GALNT13: variants seen among roughly 807,000 people sequenced by gnomAD.
GALNT13 encodes the protein UDP-GalNAc:polypeptide N-acetylgalactosaminyltransferase 13.
GALNT13 carries 28 observed loss-of-function variants against 64.2 expected under a neutral mutation model. The ratio of observed to expected loss-of-function variants is 0.44; its 90% confidence interval spans 0.32 to 0.60. The LOEUF (loss-of-function observed/expected upper bound fraction) is 0.60, where lower values mean the gene tolerates loss of function less well. GALNT13 is among the 20% of genes least tolerant of loss of function. The probability of loss-of-function intolerance (pLI) is 0.05; values close to 1 mark genes in which losing one functional copy is unlikely to be tolerated. For missense variants in GALNT13, 577 were observed against 669.8 expected (o/e 0.86, Z 1.53); for synonymous variants, 214 against 224.6 (o/e 0.95, Z 0.42).
At chr2:154,187,770 A>ATT (rs1686338997) in intron 4 of GALNT13, among the ~76,000 whole-genome samples, 1 of 152,160 alleles carries the variant, frequency 6.6e-6, no homozygotes, top group African/African-American at 2.4e-5. Context: ...CTGCATACAT[A>ATT]CAAAATATTA....
intron 8 of GALNT13, among the ~76,000 whole-genome samples, chr2:154,300,205 C>T (rs554313946): frequency 6.9e-6 from 1 of 145,898 alleles, no homozygotes; most frequent in Admixed American, 7.3e-5. Context: ...CGAGTTCAAG[C>T]GATTCTCTTG....
chr2:153,504,212 C>T, the GALNT13 span, among the ~76,000 whole-genome samples: 2 of 152,184 alleles, frequency 1.3e-5, no homozygotes, highest in African/African-American at 4.8e-5. Flanking sequence ...AGCAGAGCTA[C>T]TGATTTCTGT....
chr2:153,730,810 C>T, the GALNT13 span, among the ~76,000 whole-genome samples: 444 of 151,916 alleles, frequency 2.9e-3, 2 homozygotes, highest in African/African-American at 9.5e-3. Context: ...CACTAATCAT[C>T]GAAGAAATGT....
chr2:153,486,704 C>G, the GALNT13 span, among the ~76,000 whole-genome samples: 2 of 151,982 alleles, frequency 1.3e-5, no homozygotes, highest in South Asian at 4.1e-4. Context: ...ACTGAGCATG[C>G]AGTTTTCCGA....
At chr2:153,452,745 T>C in the GALNT13 span, among the ~76,000 whole-genome samples, 9 of 152,148 alleles carry the variant, frequency 5.9e-5, no homozygotes, top group Middle Eastern at 3.4e-3. Flanking sequence ...GCAACCAATA[T>C]TGTTTTTCAT....
At chr2:153,517,245 C>T in the GALNT13 span, among the ~76,000 whole-genome samples, 1 of 152,156 alleles carries the variant, frequency 6.6e-6, no homozygotes, top group East Asian at 1.9e-4. Context: ...ATATGCTTAC[C>T]TCTATGGCTT....
chr2:153,088,276 G>A, the GALNT13 span, among the ~76,000 whole-genome samples: 3 of 151,944 alleles, frequency 2.0e-5, no homozygotes, highest in African/African-American at 7.2e-5. Context: ...ATAGTTTTAG[G>A]GTTCCTTTTG....
the GALNT13 span, among the ~76,000 whole-genome samples, chr2:153,826,412 C>G: frequency 1.3e-5 from 2 of 152,352 alleles, no homozygotes; most frequent in East Asian, 3.9e-4. Context: ...TCTCAACAGT[C>G]TCATTGTGGA....
intron 3 of GALNT13, among the ~76,000 whole-genome samples, chr2:153,974,515 G>C (rs1230289448): frequency 6.6e-6 from 1 of 151,994 alleles, no homozygotes; most frequent in Non-Finnish European, 1.5e-5. Context: ...GTATTGGGAT[G>C]AGTCAATAAA....
At chr2:153,444,151 C>T in the GALNT13 span, among the ~76,000 whole-genome samples, 1 of 152,202 alleles carries the variant, frequency 6.6e-6, no homozygotes, top group East Asian at 1.9e-4. Flanking sequence ...ATCTATCTAC[C>T]TATCTATCAT....
the GALNT13 span, among the ~76,000 whole-genome samples, chr2:153,605,094 C>A: frequency 2.6e-5 from 4 of 152,080 alleles, no homozygotes; most frequent in African/African-American, 9.7e-5. Flanking sequence ...CCCTATCCAA[C>A]CTGGTTGTTT....
the GALNT13 span, among the ~76,000 whole-genome samples, chr2:153,587,125 T>C: frequency 6.6e-6 from 1 of 150,914 alleles, no homozygotes. Context: ...TCCCAGCTAC[T>C]CCGGAGGCCT....
At chr2:153,404,118 G>C in the GALNT13 span, among the ~76,000 whole-genome samples, 26 of 152,284 alleles carry the variant, frequency 1.7e-4, no homozygotes, top group South Asian at 5.4e-3. Flanking sequence ...ATAGTGGCTT[G>C]TATCAGTCCA....
Position 154,450,562 on chromosome 2 carries a change from C to T in GALNT13, c.*11C>T, listed in dbSNP as rs187202660. 13 of 1,580,546 alleles carry T rather than the reference C, an allele frequency of 8.2e-6. No homozygotes were observed. The highest frequency in any genetic ancestry group is 1.4e-5 in the African/African-American group (1 of 73,468). On this transcript the variant is annotated 3_prime_UTR_variant, in exon 13 of 13. Transcript: ENST00000392825. The stretch of plus-strand genomic sequence containing the variant: ...ACCTTGGGCACATGAAGATCATGTC[C>T]TCCAAGCCATGAAAGTGTCTACGCT...
At chr2:153,696,647 C>T in the GALNT13 span, among the ~76,000 whole-genome samples, 1 of 152,104 alleles carries the variant, frequency 6.6e-6, no homozygotes, top group Non-Finnish European at 1.5e-5. Flanking sequence ...ATAAGTTATG[C>T]ATATGTAGTC....
intron 3 of GALNT13, among the ~76,000 whole-genome samples, chr2:154,012,043 A>T (rs1380479547): frequency 1.3e-5 from 2 of 152,010 alleles, no homozygotes; most frequent in Non-Finnish European, 2.9e-5. Flanking sequence ...ATGCCTTTTA[A>T]TTGGGGCATT....
At chr2:154,042,987 A>G (rs187029927) in intron 3 of GALNT13, among the ~76,000 whole-genome samples, 2 of 152,108 alleles carry the variant, frequency 1.3e-5, no homozygotes, top group Non-Finnish European at 2.9e-5. Context: ...AGAATAAGGT[A>G]TTTCCCTAAT....
chr2:153,155,016 T>C, the GALNT13 span, among the ~76,000 whole-genome samples: 1 of 152,200 alleles, frequency 6.6e-6, no homozygotes, highest in Non-Finnish European at 1.5e-5. Flanking sequence ...TCTGTTTATG[T>C]GATGAATCAC....
chr2:153,593,904 A>G, the GALNT13 span, among the ~76,000 whole-genome samples: 16 of 152,290 alleles, frequency 1.1e-4, no homozygotes, highest in Admixed American at 2.0e-4. Context: ...ATGTTCCAGA[A>G]GTCAATGAAG....
Sources: allele counts gnomAD v4.1 joint callset (sites outside exome capture counted in the v4.1 genomes callset), GRCh38; gene constraint gnomAD v4.1.1; transcripts MANE v1.5; gene names NCBI Gene and HGNC (gene_info 2026-07-23, HGNC 2026-07-21).